Variants in TRAPPC6A observed in about 807,000 individuals in gnomAD.
TRAPPC6A encodes TRAPP complex subunit 6A.
Under a neutral mutation model 20.8 loss-of-function variants are expected in TRAPPC6A, and 25 were observed. The observed-to-expected ratio is 1.20, with a 90% CI of 0.88 to 1.68. The LOEUF is 1.68. Ranked by LOEUF, TRAPPC6A falls within the 40% of genes most tolerant of loss-of-function variation. The pLI is 0.00. For synonymous variants in TRAPPC6A, 96 were observed against 93.3 expected, an observed-to-expected ratio of 1.03 and a Z score of -0.16; for missense variants, 215 against 211.6, an observed-to-expected ratio of 1.02 and a Z score of -0.10.
chr19:45,171,401 G>A (rs1303693885), intron 1 of TRAPPC6A, among the ~76,000 whole-genome samples: 5 of 152,148 alleles, frequency 3.3e-5, no homozygotes, highest in South Asian at 4.1e-4. Context: ...GCCCAGAGCC[G>A]GTGCATTTCT....
intron 1 of TRAPPC6A, among the ~76,000 whole-genome samples, chr19:45,168,210 A>G (rs1969199741): frequency 6.6e-6 from 1 of 151,690 alleles, no homozygotes; most frequent in South Asian, 2.1e-4. Context: ...TCACCATGTT[A>G]GCCAGGATGG....
In TRAPPC6A at chr19:45,162,989, GAATCCCACCA is replaced by G; in HGVS notation, c.*193_*202del. ...CTGGGCAGTGACGCTGCCGAGGCGG[GAATCCCACCA>G]CAGTCCTGACCGCAGCTGGGACCCC... On this transcript the variant is annotated 3_prime_UTR_variant, in exon 6 of 6. Transcript: ENST00000585934. The G allele has an allele frequency of 4.4e-6, 2 of 452,118 alleles. No homozygotes were observed. Among genetic ancestry groups the G allele is most frequent in the South Asian group, 4.5e-5 (1 of 21,984 alleles). The allele number at this position is 452,118 out of a possible 1,614,324, so 28.0% of individuals were successfully genotyped here. A position where few individuals can be genotyped will look rare whatever the true frequency, so the allele number is the denominator to read the frequency against.
chr19:45,163,241 G>C lies in TRAPPC6A; in HGVS notation c.449-18C>G. 6.2e-7 allele frequency: 1 copy of C among 1,613,776 alleles called. No homozygotes were observed. Among genetic ancestry groups the C allele is most frequent in the East Asian group, 2.2e-5 (1 of 44,848 alleles). Reference sequence around the variant, plus strand: ...GAACTTACCTGGAAGAGAAGGCCTGGCTTAGGCTTGAGGATGGGATGGGGG... The same window carrying C: ...GAACTTACCTGGAAGAGAAGGCCTGCCTTAGGCTTGAGGATGGGATGGGGG... On this transcript the variant is annotated intron_variant, in intron 5 of 5. Coordinates refer to ENST00000585934, the MANE Select transcript of TRAPPC6A (RefSeq NM_001270891.2). The surrounding 1 kb of genome is among the most constrained non-coding windows in gnomAD (Gnocchi z 5.3).
chr19:45,165,500 A>T lies in TRAPPC6A; in HGVS notation c.85-306T>A, dbSNP rs542091157. ...CTTCCCCAGGCTCCCTTCCTCCTCC[A>T]TGACTTTTCCTGATAACCCCCATGA... On this transcript the variant is annotated intron_variant, in intron 1 of 5. Transcript: ENST00000585934. Among the ~76,000 whole-genome samples the T allele has an allele frequency of 2.6e-4, 39 of 152,222 alleles. No homozygotes were observed. The East Asian group carries it at 6.9e-3, about 27-fold the overall frequency.
Position 45,163,335 on chromosome 19 carries a change from T to C in TRAPPC6A, c.449-112A>G. 3.2e-6 allele frequency: 4 copies of C among 1,231,966 alleles called. No homozygotes were observed. The Admixed American group carries it at 6.1e-5, about 19-fold the overall frequency. The allele number at this position is 1,231,966 out of a possible 1,614,324, so 76.3% of individuals were successfully genotyped here. A position where few individuals can be genotyped will look rare whatever the true frequency, so the allele number is the denominator to read the frequency against. On this transcript the variant is annotated intron_variant, in intron 5 of 5. Coordinates refer to ENST00000585934, the MANE Select transcript of TRAPPC6A (RefSeq NM_001270891.2). This position sits in a 1 kb window ranked among gnomAD's most constrained non-coding sequence, Gnocchi z 5.3. ...CTGCACTGACACCCCAGTGGCTAGG[T>C]TGGGCTGTTTCCTCCCGCCCACGGG...
intron 3 of TRAPPC6A, 65 bp downstream of exon 3, chr19:45,164,788 C>T: frequency 6.8e-7 from 1 of 1,472,892 alleles, no homozygotes; most frequent in Admixed American, 1.7e-5. Flanking sequence ...CCGGGGGATT[C>T]CCCTCCCACT....
At position 45,175,425 on chromosome 19, in the gene TRAPPC6A, T is replaced by C. The variant is rs1599740786; in HGVS notation, c.84+2710A>G. On this transcript the variant is annotated intron_variant, in intron 1 of 5. Transcript: ENST00000585934. Reference sequence around the variant, plus strand: ...CTGGGCGACAGAGCGAGACTCCGTCTCAAAAAAAAAAAAAAAATCAAATAC... The same window carrying C: ...CTGGGCGACAGAGCGAGACTCCGTCCCAAAAAAAAAAAAAAAATCAAATAC... Among the ~76,000 whole-genome samples, 9 of 134,698 alleles carry C rather than the reference T, an allele frequency of 6.7e-5. No homozygotes were observed. In the South Asian group the frequency reaches 2.0e-3, roughly 30 times the overall value. The allele number at this position is 134,698 out of a possible 152,430, so 88.4% of individuals were successfully genotyped here.
Position 45,164,088 on chromosome 19 carries a change from G to T in TRAPPC6A, c.354+76C>A, listed in dbSNP as rs894124676. 3 of 1,546,076 alleles carry T rather than the reference G, an allele frequency of 1.9e-6. No homozygotes were observed. The Admixed American group carries it at 5.8e-5, about 30-fold the overall frequency. ...GTCTGGGGCACCCCTTAGGCCTGGG[G>T]AAAGGCCTGATGTGGGATGGGGCTG... is the stretch of plus-strand genomic sequence containing the variant. On this transcript the variant is annotated intron_variant, in intron 4 of 5. Coordinates refer to ENST00000585934, the MANE Select transcript of TRAPPC6A (RefSeq NM_001270891.2).
chr19:45,166,056 G>T (rs530633677), intron 1 of TRAPPC6A, among the ~76,000 whole-genome samples: 1 of 134,278 alleles, frequency 7.4e-6, no homozygotes, highest in South Asian at 2.4e-4. Context: ...GGACTACAGG[G>T]ATACGCCACC....
At chr19:45,170,551 G>C (rs1040679971) in intron 1 of TRAPPC6A, among the ~76,000 whole-genome samples, 1 of 152,212 alleles carries the variant, frequency 6.6e-6, no homozygotes, top group Non-Finnish European at 1.5e-5. Flanking sequence ...GGAGCGTGGA[G>C]TCTGAAGGGG....
At position 45,173,292 on chromosome 19, in the gene TRAPPC6A, G is replaced by C. The variant is rs2122853108; in HGVS notation, c.84+4843C>G. On this transcript the variant is annotated intron_variant, in intron 1 of 5. Transcript: ENST00000585934. The surrounding 1 kb of genome is among the most constrained non-coding windows in gnomAD (Gnocchi z 4.8). ...GCCGGTCCTCCAGTTCACAACCTGT[G>C]ACAGCCCAGGAGAATGGCCACAAAT... Among the ~76,000 whole-genome samples the C allele has an allele frequency of 6.6e-6, 1 of 151,842 alleles. No homozygotes were observed. The highest frequency in any genetic ancestry group is 6.6e-5 in the Admixed American group (1 of 15,260).
Position 45,162,952 on chromosome 19 carries a change from A to G in TRAPPC6A, c.*240T>C, listed in dbSNP as rs1969039375. 2.4e-6 allele frequency: 1 copy of G among 410,472 alleles called. No individual in the cohort carries two copies. Among genetic ancestry groups the G allele is most frequent in the Non-Finnish European group, 4.3e-6 (1 of 230,804 alleles). The allele number at this position is 410,472 out of a possible 1,614,324, so 25.4% of individuals were successfully genotyped here. On this transcript the variant is annotated 3_prime_UTR_variant, in exon 6 of 6. Transcript: ENST00000585934. Reference sequence around the variant, plus strand: ...GTCAGATTCCACACACACAGCCTTTATTGAGCAGCTACTGGGCAGTGACGC... The same window carrying G: ...GTCAGATTCCACACACACAGCCTTTGTTGAGCAGCTACTGGGCAGTGACGC...
chr19:45,177,207 A>ACACACACG (rs1969404165), intron 1 of TRAPPC6A, among the ~76,000 whole-genome samples: 1 of 148,198 alleles, frequency 6.7e-6, no homozygotes, highest in African/African-American at 2.5e-5. Flanking sequence ...ACACACACAC[A>ACACACACG]CACACACACA....
chr19:45,174,200 G>A (rs976178873), intron 1 of TRAPPC6A, among the ~76,000 whole-genome samples: 22 of 152,236 alleles, frequency 1.4e-4, no homozygotes, highest in African/African-American at 5.1e-4. Flanking sequence ...TCTGTAAATC[G>A]GGGAGGACCA....
At chr19:45,175,155 G>A (rs961346482) in intron 1 of TRAPPC6A, among the ~76,000 whole-genome samples, 4 of 152,108 alleles carry the variant, frequency 2.6e-5, no homozygotes, top group South Asian at 2.1e-4. Context: ...CAGCTACTCG[G>A]GAGGCTGAGG....
At chr19:45,175,773 G>A (rs766152216) in intron 1 of TRAPPC6A, among the ~76,000 whole-genome samples, 14 of 151,640 alleles carry the variant, frequency 9.2e-5, no homozygotes, top group Non-Finnish European at 2.1e-4. Flanking sequence ...AGACAAGGCA[G>A]GTGTTGGGAC....
intron 1 of TRAPPC6A, among the ~76,000 whole-genome samples, chr19:45,175,892 C>G (rs183472176): frequency 2.6e-5 from 4 of 152,304 alleles, no homozygotes; most frequent in Non-Finnish European, 4.4e-5. Context: ...TTCCTCATAG[C>G]AGTTACACAA....
chr19:45,162,988 G>A lies in TRAPPC6A; in HGVS notation c.*204C>T. ...ACTGGGCAGTGACGCTGCCGAGGCG[G>A]GAATCCCACCACAGTCCTGACCGCA... On this transcript the variant is annotated 3_prime_UTR_variant, in exon 6 of 6. Transcript: ENST00000585934. The A allele has an allele frequency of 1.1e-5, 5 of 449,004 alleles. No individual in the cohort carries two copies. Among genetic ancestry groups the A allele is most frequent in the South Asian group, 9.3e-5 (2 of 21,524 alleles). 27.8% of individuals were successfully genotyped at this position (449,004 alleles called of 1,614,324 possible).
intron 1 of TRAPPC6A, among the ~76,000 whole-genome samples, chr19:45,171,219 T>C (rs1305987572): frequency 1.3e-5 from 2 of 152,158 alleles, no homozygotes; most frequent in African/African-American, 4.8e-5. Context: ...CCAGGATCGC[T>C]TGAACCCGGG....
Sources: gnomAD v4.1 joint callset for allele counts (sites outside exome capture counted in the v4.1 genomes callset) on GRCh38, gnomAD v4.1.1 for gene constraint, Gnocchi (gnomAD v3.1) non-coding constraint, MANE v1.5 for transcripts, NCBI Gene and HGNC (gene_info 2026-07-23, HGNC 2026-07-21) for gene names.